The following MAML2 variants were observed in gnomAD, a reference collection of about 807,000 sequenced individuals.
The protein encoded by MAML2 is mastermind like transcriptional coactivator 2, also known as mastermind-like protein 2.
Under a neutral mutation model 96.1 loss-of-function variants are expected in MAML2, and 22 were observed. The ratio of observed to expected loss-of-function variants is 0.23; its 90% CI spans 0.16 to 0.33. MAML2 has a LOEUF of 0.33. Among genes scored for constraint, MAML2 ranks in the 10% least tolerant of loss-of-function variants. The probability of loss-of-function intolerance (pLI) is 1.00; values close to 1 mark genes in which losing one functional copy is unlikely to be tolerated. For synonymous variants in MAML2, 561 were observed against 521.3 expected (o/e 1.08, Z -1.04); for missense variants, 1,367 against 1,392.4 (o/e 0.98, Z 0.29).
intron 1 of MAML2, among the ~76,000 whole-genome samples, chr11:96,167,304 C>T (rs1861209837): frequency 6.9e-6 from 1 of 144,382 alleles, no homozygotes; most frequent in East Asian, 2.4e-4. Context: ...GTAGCTCAGA[C>T]CTTCCAAATC....
chr11:96,053,676 T>C lies in MAML2; in HGVS notation c.2139+38216A>G, dbSNP rs536958426. 2.0e-5 allele frequency among the ~76,000 whole-genome samples: 3 copies of C among 152,234 alleles called. No individual in the cohort carries two copies. In the South Asian group the frequency reaches 6.2e-4, roughly 32 times the overall value. ...GAATTAGGAGAAAACACTATCAAATTTTCCTGTGTACTTATGTTTCTATTA... is the reference window on the plus strand; with the variant it reads ...GAATTAGGAGAAAACACTATCAAATCTTCCTGTGTACTTATGTTTCTATTA... On this transcript the variant is annotated intron_variant, in intron 2 of 4. Coordinates refer to ENST00000524717, the MANE Select transcript of MAML2 (RefSeq NM_032427.4).
rs116672102 is a variant in MAML2 at position 96,095,757 on chromosome 11, G to A, written c.514-2240C>T. Reference sequence around the variant, plus strand: ...CCTATTGCTTAAGCTAATACAAATTGGGCATCTGTTACTTTCAACAAAGAG... The same window carrying A: ...CCTATTGCTTAAGCTAATACAAATTAGGCATCTGTTACTTTCAACAAAGAG... On this transcript the variant is annotated intron_variant, in intron 1 of 4. Coordinates refer to ENST00000524717, the MANE Select transcript of MAML2 (RefSeq NM_032427.4). 7.4e-3 allele frequency among the ~76,000 whole-genome samples: 1,124 copies of A among 152,250 alleles called. 17 individuals carry two copies. The highest frequency in any genetic ancestry group is 0.026 in the African/African-American group (1,062 of 41,536).
chr11:96,321,066 T>G (rs1022401008), intron 1 of MAML2, among the ~76,000 whole-genome samples: 42 of 152,194 alleles, frequency 2.8e-4, no homozygotes, highest in Non-Finnish European at 4.4e-5. Flanking sequence ...ACTCATCATT[T>G]AGCTGGAGGG....
chr11:95,980,750 C>A (rs1026363229), intron 4 of MAML2, among the ~76,000 whole-genome samples: 3 of 152,188 alleles, frequency 2.0e-5, no homozygotes, highest in African/African-American at 7.2e-5. Flanking sequence ...ATTTGCCCTT[C>A]GAATCTTTCA....
chr11:96,076,788 A>G (rs1182018670), intron 2 of MAML2, among the ~76,000 whole-genome samples: 1 of 152,234 alleles, frequency 6.6e-6, no homozygotes. Context: ...AATCTTCACC[A>G]GGCCACAGCT....
At chr11:96,264,406 T>C (rs541828363) in intron 1 of MAML2, among the ~76,000 whole-genome samples, 22 of 152,300 alleles carry the variant, frequency 1.4e-4, no homozygotes, top group African/African-American at 5.3e-4. Flanking sequence ...TTGGAACAGA[T>C]TGAGGCAAAA....
chr11:96,238,499 C>T (rs1565258804), intron 1 of MAML2, among the ~76,000 whole-genome samples: 1 of 152,232 alleles, frequency 6.6e-6, no homozygotes, highest in South Asian at 2.1e-4. Flanking sequence ...GTCTCTACTG[C>T]AGCATTCCCA....
chr11:96,091,769 A>G, intron 2 of MAML2, 123 bp downstream of exon 2: 2 of 1,402,716 alleles, frequency 1.4e-6, no homozygotes, highest in South Asian at 1.5e-5. Flanking sequence ...ATATGACTCC[A>G]TCAAGACCAC....
At chr11:96,036,864 T>C (rs1218054577) in intron 2 of MAML2, among the ~76,000 whole-genome samples, 1 of 152,218 alleles carries the variant, frequency 6.6e-6, no homozygotes, top group African/African-American at 2.4e-5. Flanking sequence ...ACACCTTTCA[T>C]GGTATTTAAA....
intron 1 of MAML2, among the ~76,000 whole-genome samples, chr11:96,174,141 T>C (rs888655494): frequency 6.6e-6 from 1 of 152,154 alleles, no homozygotes; most frequent in Non-Finnish European, 1.5e-5. Context: ...CAAATTCGCC[T>C]CTCCTTTCCT....
chr11:96,332,759 A>C (rs577419457), intron 1 of MAML2, among the ~76,000 whole-genome samples: 1 of 152,358 alleles, frequency 6.6e-6, no homozygotes, highest in South Asian at 2.1e-4. Flanking sequence ...ATCAACAACA[A>C]CAAAAAATCC....
At chr11:96,278,446 T>C (rs1007011886) in intron 1 of MAML2, among the ~76,000 whole-genome samples, 21 of 152,324 alleles carry the variant, frequency 1.4e-4, no homozygotes, top group Non-Finnish European at 2.6e-4. Context: ...GCTTACAATG[T>C]AGTAAGGCGG....
At chr11:96,321,549 CATGT>C (rs1475583348) in intron 1 of MAML2, among the ~76,000 whole-genome samples, 2 of 152,188 alleles carry the variant, frequency 1.3e-5, no homozygotes, top group African/African-American at 4.8e-5. Flanking sequence ...TCCATCAGTG[CATGT>C]ACAAGCTGAT....
At chr11:96,245,049 A>G (rs1862491778) in intron 1 of MAML2, among the ~76,000 whole-genome samples, 1 of 152,308 alleles carries the variant, frequency 6.6e-6, no homozygotes, top group East Asian at 1.9e-4. Context: ...AAAACCAAAA[A>G]AGCCAATGCA....
At chr11:96,040,550 T>A (rs902213253) in intron 2 of MAML2, among the ~76,000 whole-genome samples, 1 of 152,168 alleles carries the variant, frequency 6.6e-6, no homozygotes, top group Non-Finnish European at 1.5e-5. Context: ...GTGGATCACC[T>A]GAGGTCAGGA....
intron 1 of MAML2, among the ~76,000 whole-genome samples, chr11:96,256,748 G>T (rs1862673786): frequency 6.6e-6 from 1 of 152,124 alleles, no homozygotes; most frequent in Non-Finnish European, 1.5e-5. Context: ...GTCAACTCTT[G>T]AGCTAGACAG....
intron 2 of MAML2, among the ~76,000 whole-genome samples, chr11:96,034,432 T>TGTGAGA (rs549312275): frequency 8.5e-4 from 115 of 135,738 alleles, no homozygotes; most frequent in East Asian, 1.7e-3. Flanking sequence ...TGTGTGTGTG[T>TGTGAGA]GAGAGAGAGA....
chr11:96,309,496 G>A (rs935202464), intron 1 of MAML2, among the ~76,000 whole-genome samples: 2 of 152,142 alleles, frequency 1.3e-5, no homozygotes, highest in Non-Finnish European at 2.9e-5. Context: ...ACTGAGCACA[G>A]TAACTACCTG....
At chr11:96,214,657 G>A (rs1862021659) in intron 1 of MAML2, among the ~76,000 whole-genome samples, 2 of 152,108 alleles carry the variant, frequency 1.3e-5, no homozygotes. Flanking sequence ...ATAGTCATGC[G>A]AAATACACCA....
Sources: allele counts gnomAD v4.1 joint callset (sites outside exome capture counted in the v4.1 genomes callset), GRCh38; gene constraint gnomAD v4.1.1; transcripts MANE v1.5; gene names NCBI Gene and HGNC (gene_info 2026-07-23, HGNC 2026-07-21).